Variants in ADAM29 observed in about 807,000 individuals in gnomAD.
ADAM29 encodes disintegrin and metalloproteinase domain-containing protein 29.
For synonymous variants in ADAM29, 367 were observed against 342.3 expected, an observed-to-expected ratio of 1.07 and a Z score of -0.80; for missense variants, 969 against 1,001.8, an observed-to-expected ratio of 0.97 and a Z score of 0.44.
In ADAM29 at chr4:174,967,756, G is replaced by T. The variant is rs1248705267; in HGVS notation, c.-180-7590G>T. Among the ~76,000 whole-genome samples the T allele has an allele frequency of 2.0e-5, 3 of 152,122 alleles. No homozygotes were observed. In the East Asian group the frequency reaches 5.8e-4, roughly 29 times the overall value. On this transcript the variant is annotated intron_variant, in intron 4 of 4. Coordinates refer to ENST00000359240, the MANE Select transcript of ADAM29 (RefSeq NM_014269.4). ...TAGAATTAAGTCCTGTCATGAAACC[G>T]CTTGGACTCATTTAATGCTTATTGA...
At chr4:174,945,253 T>C (rs1744774746) in intron 4 of ADAM29, among the ~76,000 whole-genome samples, 2 of 152,130 alleles carry the variant, frequency 1.3e-5, no homozygotes, top group African/African-American at 4.8e-5. Flanking sequence ...TTAGTATTGT[T>C]GAACTGTTTC....
In ADAM29 at chr4:174,976,413, G is replaced by A. The variant is rs766310916; in HGVS notation, c.888G>A (p.Gly296=). The A allele has an allele frequency of 6.3e-7, 1 of 1,598,238 alleles. No homozygotes were observed. Among genetic ancestry groups the A allele is most frequent in the Non-Finnish European group, 8.5e-7 (1 of 1,173,408 alleles). ...SHLFTTLGLR[G]LSGIGAFRGM... ...TTTTCACAACTCTAGGATTAAGAGG[G>A]TTAAGTGGCATAGGAGCTTTTAGAG... Residue 296 remains glycine (G), a synonymous_variant, in exon 5 of 5, where the codon GGG becomes GGA. Coordinates refer to ENST00000359240, the MANE Select transcript of ADAM29 (RefSeq NM_014269.4).
At chr4:174,947,306 G>T (rs1168735845) in intron 4 of ADAM29, among the ~76,000 whole-genome samples, 1 of 151,988 alleles carries the variant, frequency 6.6e-6, no homozygotes, top group Non-Finnish European at 1.5e-5. Context: ...GGGTTGGTTT[G>T]CTATTATTTT....
intron 4 of ADAM29, among the ~76,000 whole-genome samples, chr4:174,966,580 C>G (rs1746171766): frequency 6.6e-6 from 1 of 152,154 alleles, no homozygotes; most frequent in Admixed American, 6.5e-5. Context: ...CAAAACCTAG[C>G]AAGGCAAATA....
intron 4 of ADAM29, among the ~76,000 whole-genome samples, chr4:174,969,647 T>C (rs915867964): frequency 1.3e-5 from 2 of 152,062 alleles, no homozygotes; most frequent in African/African-American, 4.8e-5. Context: ...CCAACATAAT[T>C]TTTTAAAGTT....
intron 4 of ADAM29, among the ~76,000 whole-genome samples, chr4:174,965,949 CA>C (rs1374175016): frequency 6.6e-6 from 1 of 152,174 alleles, no homozygotes; most frequent in African/African-American, 2.4e-5. Context: ...TTCTCAAAAG[CA>C]AAATACAGTC....
Position 174,976,399 on chromosome 4 carries a change from C to G in ADAM29, c.874C>G (p.Leu292Val). ...TGACACCTCACATCTTTTCACAACT[C>G]TAGGATTAAGAGGGTTAAGTGGCAT... The part of the protein sequence containing the change: ...QHDTSHLFTT[L>V]GLRGLSGIGA... Residue 292 changes from leucine to valine, a missense_variant, in exon 5 of 5, where the codon CTA becomes GTA. Transcript: ENST00000359240. 6.3e-7 allele frequency: 1 copy of G among 1,598,106 alleles called. No individual in the cohort carries two copies. The highest frequency in any genetic ancestry group is 8.5e-7 in the Non-Finnish European group (1 of 1,173,618).
intron 4 of ADAM29, among the ~76,000 whole-genome samples, chr4:174,971,584 C>A (rs1746480589): frequency 1.3e-5 from 2 of 152,144 alleles, no homozygotes; most frequent in Admixed American, 6.6e-5. Context: ...GTTTCATGGA[C>A]ATTTTCTTTT....
intron 4 of ADAM29, among the ~76,000 whole-genome samples, chr4:174,974,400 G>C (rs1457102095): frequency 6.6e-6 from 1 of 152,272 alleles, no homozygotes; most frequent in African/African-American, 2.4e-5. Flanking sequence ...CAAGTCCAAA[G>C]GTCACTAGTC....
intron 4 of ADAM29, among the ~76,000 whole-genome samples, chr4:174,953,830 C>T (rs556993816): frequency 1.4e-4 from 21 of 152,280 alleles, no homozygotes; most frequent in African/African-American, 2.4e-4. Context: ...CTCCCTCAGC[C>T]TCCTGAGTAG....
intron 4 of ADAM29, among the ~76,000 whole-genome samples, chr4:174,970,302 A>T (rs1746400037): frequency 6.6e-6 from 1 of 152,156 alleles, no homozygotes; most frequent in African/African-American, 2.4e-5. Flanking sequence ...GTTGTGAATC[A>T]GATGACCCTA....
chr4:174,950,590 G>A (rs547340764), intron 4 of ADAM29, among the ~76,000 whole-genome samples: 10 of 152,206 alleles, frequency 6.6e-5, no homozygotes, highest in Non-Finnish European at 1.3e-4. Context: ...TTGCTTACAA[G>A]TAATGATTTA....
chr4:174,971,071 T>C (rs1746451910), intron 4 of ADAM29, among the ~76,000 whole-genome samples: 1 of 152,176 alleles, frequency 6.6e-6, no homozygotes, highest in Admixed American at 6.6e-5. Context: ...TCTTTTAACA[T>C]ATTTTATTTC....
At chr4:174,953,090 T>C (rs1745278815) in intron 4 of ADAM29, among the ~76,000 whole-genome samples, 1 of 152,114 alleles carries the variant, frequency 6.6e-6, no homozygotes, top group South Asian at 2.1e-4. Context: ...ATCGAGACCA[T>C]CCTGGCTAAC....
chr4:174,958,905 C>T (rs1745653468), intron 4 of ADAM29, among the ~76,000 whole-genome samples: 1 of 151,762 alleles, frequency 6.6e-6, no homozygotes, highest in African/African-American at 2.4e-5. Flanking sequence ...CACAGTGTTC[C>T]ACATTCTCCC....
At chr4:174,947,591 T>C (rs1282630460) in intron 4 of ADAM29, among the ~76,000 whole-genome samples, 1 of 152,196 alleles carries the variant, frequency 6.6e-6, no homozygotes, top group Non-Finnish European at 1.5e-5. Context: ...ATTTTTATTG[T>C]GTTGTGATAG....
intron 4 of ADAM29, among the ~76,000 whole-genome samples, chr4:174,949,551 T>C (rs1023908684): frequency 1.3e-5 from 2 of 152,110 alleles, no homozygotes; most frequent in African/African-American, 4.8e-5. Context: ...CTGGTGCTTA[T>C]CTACCCTGTG....
At chr4:174,935,652 A>T (rs1042045922) in intron 3 of ADAM29, among the ~76,000 whole-genome samples, 1 of 152,108 alleles carries the variant, frequency 6.6e-6, no homozygotes, top group Non-Finnish European at 1.5e-5. Flanking sequence ...TAATCTATTT[A>T]GAAGTTTTGA....
intron 4 of ADAM29, among the ~76,000 whole-genome samples, chr4:174,943,567 G>A (rs186511965): frequency 2.6e-5 from 4 of 152,182 alleles, no homozygotes; most frequent in South Asian, 2.1e-4. Flanking sequence ...TCAGGTCTCT[G>A]AGAATCCACT....
Sources: gnomAD v4.1 joint callset for allele counts (sites outside exome capture counted in the v4.1 genomes callset) on GRCh38, gnomAD v4.1.1 for gene constraint, MANE v1.5 for transcripts, NCBI Gene and HGNC (gene_info 2026-07-23, HGNC 2026-07-21) for gene names.